The following ZNF497 variants were observed in gnomAD, a reference collection of about 807,000 sequenced individuals.
The protein encoded by ZNF497 is zinc finger protein 497, also known as zinc finger-like protein.
For missense variants in ZNF497, 930 were observed against 714.0 expected, an observed-to-expected ratio of 1.30 and a Z score of -3.45; for synonymous variants, 422 against 313.7, an observed-to-expected ratio of 1.35 and a Z score of -3.65.
intron 1 of ZNF497, 69 bp downstream of exon 1, chr19:58,362,608 G>A (rs994773202): frequency 1.3e-5 from 2 of 152,156 alleles, no homozygotes; most frequent in East Asian, 1.9e-4. Flanking sequence ...CCTGCCCCGC[G>A]CGGCGGGAGT....
chr19:58,360,850 T>G (rs2052085558), intron 1 of ZNF497, among the ~76,000 whole-genome samples: 2 of 126,552 alleles, frequency 1.6e-5, no homozygotes, highest in Non-Finnish European at 3.2e-5. Context: ...GGCGCTATCC[T>G]GGCTCACTGC....
At position 58,359,316 on chromosome 19, in the gene ZNF497, C is replaced by A. The variant is rs1408785960; in HGVS notation, c.-111-731G>T. ...GCAGCTGCATGGCCCAGGGTACTTT[C>A]TCTGCAGCTGGAAACACAAAGGTGA... On this transcript the variant is annotated intron_variant, in intron 1 of 2. Transcript: ENST00000311044. 7 of 1,247,954 alleles carry A rather than the reference C, an allele frequency of 5.6e-6. No homozygotes were observed. The African/African-American group carries it at 6.2e-5, about 11-fold the overall frequency. 77.3% of individuals were successfully genotyped at this position (1,247,954 alleles called of 1,614,324 possible).
chr19:58,358,248 G>C (rs767097635), intron 2 of ZNF497: 7 of 1,289,818 alleles, frequency 5.4e-6, no homozygotes, highest in South Asian at 3.7e-5. Context: ...GGTCAGACCA[G>C]GTGGTCCAAG....
In ZNF497 at chr19:58,354,875, C is replaced by T. The variant is rs567331200; in HGVS notation, c.*1264G>A. The stretch of plus-strand genomic sequence containing the variant: ...CAGAAGTCAGACCACTGAACAGTGA[C>T]AGAACCTTTCAGCCCATTGGCAATG... On this transcript the variant is annotated 3_prime_UTR_variant, in exon 3 of 3. Transcript: ENST00000311044. 24 of 152,528 alleles carry T rather than the reference C, an allele frequency of 1.6e-4. No individual in the cohort carries two copies. Among genetic ancestry groups the T allele is most frequent in the Admixed American group, 1.2e-3 (18 of 15,312 alleles). 9.4% of individuals were successfully genotyped at this position (152,528 alleles called of 1,614,324 possible).
At chr19:58,359,017 G>A (rs1341268320) in intron 1 of ZNF497, 3 of 500,210 alleles carry the variant, frequency 6.0e-6, no homozygotes, top group Non-Finnish European at 1.1e-5. Flanking sequence ...GGAGCAGTGT[G>A]CCCAATAACT....
In ZNF497 at chr19:58,356,164, C is replaced by T. The variant is rs541600828; in HGVS notation, c.1472G>A (p.Arg491Gln). ...TCAGGGCGCAGCGCGGCCCCCGTGC[C>T]GCTTCTGGTGCTCGTTGAGGTTGCA... is the stretch of plus-strand genomic sequence containing the variant. ...HRCNLNEHQK[R>Q]HGGRAAP Residue 491 changes from arginine (R) to glutamine (Q), a missense_variant, in exon 3 of 3, where the codon CGG becomes CAG. Physicochemically the swap from Arg to Gln is conservative, Grantham distance 43 (BLOSUM62 1). Coordinates refer to ENST00000311044, the MANE Select transcript of ZNF497 (RefSeq NM_198458.3). The T allele has an allele frequency of 1.2e-5, 19 of 1,573,704 alleles. No individual in the cohort carries two copies. The East Asian group carries it at 2.7e-4, about 22-fold the overall frequency.
rs1172387246 is a variant in ZNF497 at position 58,357,247 on chromosome 19, C to T, written c.389G>A (p.Gly130Asp). Residue 130 changes from glycine (G) to aspartate (D), a missense_variant, in exon 3 of 3, where the codon GGC (glycine) becomes GAC (aspartate). By Grantham distance (94) the Gly-to-Asp change is moderately conservative. Coordinates refer to ENST00000311044, the MANE Select transcript of ZNF497 (RefSeq NM_198458.3). ...CTCGGGGCACGTGTACGGCTTCTCG[C>T]CTGTGTGCACGCGCCGATGCTGCAG... ...YLLQHRRVHT[G>D]EKPYTCPECG... The T allele has an allele frequency of 6.2e-7, 1 of 1,613,038 alleles. No homozygotes were observed. Among genetic ancestry groups the T allele is most frequent in the South Asian group, 1.1e-5 (1 of 91,022 alleles).
At chr19:58,360,498 C>T (rs1450515295) in intron 1 of ZNF497, among the ~76,000 whole-genome samples, 2 of 151,806 alleles carry the variant, frequency 1.3e-5, no homozygotes, top group Non-Finnish European at 2.9e-5. Flanking sequence ...ACATCAAGTG[C>T]GTGCCACCAT....
At chr19:58,359,866 G>T (rs886099538) in intron 1 of ZNF497, among the ~76,000 whole-genome samples, 1 of 151,954 alleles carries the variant, frequency 6.6e-6, no homozygotes, top group Non-Finnish European at 1.5e-5. Flanking sequence ...CCAGCTACTC[G>T]GGAGGCTGAG....
chr19:58,358,510 G>A lies in ZNF497; in HGVS notation c.-36C>T, dbSNP rs2052054194. 1 of 1,183,538 alleles carries A rather than the reference G, an allele frequency of 8.4e-7. No individual in the cohort carries two copies. The highest frequency in any genetic ancestry group is 3.7e-5 in the Admixed American group (1 of 27,154). The allele number at this position is 1,183,538 out of a possible 1,614,324, so 73.3% of individuals were successfully genotyped here. A position where few individuals can be genotyped will look rare whatever the true frequency, so the allele number is the denominator to read the frequency against. ...ATACCTGGAGGTGGGGCCTGGAAGG[G>A]GCCCAGGGGAGCCTCTTGCTCCTCT... On this transcript the variant is annotated 5_prime_UTR_variant, in exon 2 of 3. Coordinates refer to ENST00000311044, the MANE Select transcript of ZNF497 (RefSeq NM_198458.3).
chr19:58,360,767 CTTTTTTTTTTTTTTTT>C (rs551580074), intron 1 of ZNF497, among the ~76,000 whole-genome samples: 14 of 34,528 alleles, frequency 4.1e-4, no homozygotes, highest in South Asian at 2.4e-3. Context: ...GTCCCGAACT[CTTTTTTTTTTTTTTTT>C]TTTTTTTTTT....
chr19:58,358,858 T>C (rs1207279753), intron 1 of ZNF497: 1 of 456,960 alleles, frequency 2.2e-6, no homozygotes, highest in Non-Finnish European at 4.4e-6. Context: ...GCTGGGGTCG[T>C]GAGCAGGGGA....
In ZNF497 at chr19:58,357,376, C is replaced by G; in HGVS notation, c.260G>C (p.Arg87Thr). Residue 87 changes from arginine (R) to threonine (T), a missense_variant, in exon 3 of 3, where the codon AGG becomes ACG. Coordinates refer to ENST00000311044, the MANE Select transcript of ZNF497 (RefSeq NM_198458.3). Reference sequence around the variant, plus strand: ...CAACGCCCGGTCTGCAGGCTCGCTCCTGGGCCCAGCCCCGTCCCGCCCACC... The same window carrying G: ...CAACGCCCGGTCTGCAGGCTCGCTCGTGGGCCCAGCCCCGTCCCGCCCACC... ...ADGGRDGAGP[R>T]SEPADRALRP... The G allele has an allele frequency of 6.3e-7, 1 of 1,594,056 alleles. No individual in the cohort carries two copies. Among genetic ancestry groups the G allele is most frequent in the South Asian group, 1.1e-5 (1 of 89,102 alleles).
Position 58,356,506 on chromosome 19 carries a change from C to CG in ZNF497, c.1129dup (p.Arg377ProfsTer231), listed in dbSNP as rs1568557761. The stretch of plus-strand genomic sequence containing the variant: ...GGGCTTGGCGCCCGAGTGCGTGCGC[C>CG]GGTGGCTCAGTAGGTTGGAGCGCTG... On this transcript the variant is annotated frameshift_variant, in exon 3 of 3. Transcript: ENST00000311044. 10 of 1,547,252 alleles carry CG rather than the reference C, an allele frequency of 6.5e-6. No homozygotes were observed. Among genetic ancestry groups the CG allele is most frequent in the Non-Finnish European group, 7.8e-6 (9 of 1,152,358 alleles).
At position 58,360,767 on chromosome 19, in the gene ZNF497, C is replaced by CTTTTTTTTTTTTTT. The variant is rs551580074; in HGVS notation, c.-112+1896_-112+1909dup. Among the ~76,000 whole-genome samples, 4 of 34,528 alleles carry CTTTTTTTTTTTTTT rather than the reference C, an allele frequency of 1.2e-4. 2 individuals are homozygous for CTTTTTTTTTTTTTT. Among genetic ancestry groups the CTTTTTTTTTTTTTT allele is most frequent in the African/African-American group, 2.4e-4 (2 of 8,510 alleles). 22.7% of individuals were successfully genotyped at this position (34,528 alleles called of 152,430 possible). On this transcript the variant is annotated intron_variant, in intron 1 of 2. Transcript: ENST00000311044. ...ATGTTGGCCAGGCTGGTCCCGAACTCTTTTTTTTTTTTTTTTTTTTTTTTT... is the reference window on the plus strand; with the variant it reads ...ATGTTGGCCAGGCTGGTCCCGAACTCTTTTTTTTTTTTTTTTTTTTTTTTTTTTTTTTTTTTTTT...
At position 58,356,092 on chromosome 19, in the gene ZNF497, C is replaced by T. The variant is rs546085548; in HGVS notation, c.*47G>A. On this transcript the variant is annotated 3_prime_UTR_variant, in exon 3 of 3. Transcript: ENST00000311044. ...CAGACAGCGCACTCACGCCCGAGAC[C>T]CCGCAATGCCGTGTGTCCGCGACCT... 2.7e-6 allele frequency: 4 copies of T among 1,484,852 alleles called. No homozygotes were observed. The highest frequency in any genetic ancestry group is 2.4e-5 in the Admixed American group (1 of 42,082). The allele number at this position is 1,484,852 out of a possible 1,614,324, so 92.0% of individuals were successfully genotyped here.
intron 1 of ZNF497, among the ~76,000 whole-genome samples, chr19:58,362,222 A>C (rs1351098029): frequency 6.6e-6 from 1 of 152,210 alleles, no homozygotes; most frequent in Non-Finnish European, 1.5e-5. Context: ...CGGAGTGGAT[A>C]AAGGGGAGGA....
intron 1 of ZNF497, among the ~76,000 whole-genome samples, chr19:58,359,962 ACT>A (rs1163086154): frequency 3.8e-5 from 4 of 106,440 alleles, no homozygotes; most frequent in Non-Finnish European, 8.3e-5. Flanking sequence ...ACAAAGTGAG[ACT>A]CTGTCTCAAA....
At chr19:58,359,260 A>T in intron 1 of ZNF497, 1 of 1,290,326 alleles carries the variant, frequency 7.7e-7, no homozygotes, top group Non-Finnish European at 1.0e-6. Context: ...TCATCTGGGC[A>T]GCCATCCTGC....
Sources: allele counts gnomAD v4.1 joint callset (sites outside exome capture counted in the v4.1 genomes callset), GRCh38; gene constraint gnomAD v4.1.1; transcripts MANE v1.5; gene names NCBI Gene and HGNC (gene_info 2026-07-23, HGNC 2026-07-21).